The following PRKG1 variants were observed in gnomAD, a reference collection of about 807,000 sequenced individuals.
PRKG1 encodes cGMP-dependent protein kinase 1.
PRKG1 carries 35 observed loss-of-function variants against 88.1 expected under a neutral mutation model. The ratio of observed to expected loss-of-function variants is 0.40; its 90% CI spans 0.30 to 0.53. PRKG1 has a LOEUF of 0.53. Ranked by LOEUF, PRKG1 falls within the 20% of genes least tolerant of loss-of-function variation. PRKG1 has a pLI of 0.59. For missense variants in PRKG1, 540 were observed against 839.8 expected (o/e 0.64, Z 4.41); for synonymous variants, 303 against 292.5 (o/e 1.04, Z -0.37).
At chr10:51,558,970 A>G (rs1028809047) in intron 3 of PRKG1, among the ~76,000 whole-genome samples, 3 of 152,130 alleles carry the variant, frequency 2.0e-5, no homozygotes, top group African/African-American at 7.2e-5. Context: ...TCAACAGTGC[A>G]GTAAGATATT....
intron 2 of PRKG1, among the ~76,000 whole-genome samples, chr10:51,436,175 G>GTTT (rs60182756): frequency 7.5e-6 from 1 of 132,890 alleles, no homozygotes; most frequent in Admixed American, 7.5e-5. Context: ...TCTGTAAGTT[G>GTTT]TTTTTTTTTT....
chr10:51,281,011 T>G (rs1043264339), intron 2 of PRKG1, among the ~76,000 whole-genome samples: 4 of 152,220 alleles, frequency 2.6e-5, no homozygotes, highest in African/African-American at 9.6e-5. Flanking sequence ...CTTTTGCTCT[T>G]TGATGATTGT....
At chr10:51,274,166 G>A (rs1490735338) in intron 2 of PRKG1, among the ~76,000 whole-genome samples, 1 of 152,096 alleles carries the variant, frequency 6.6e-6, no homozygotes, top group Admixed American at 6.6e-5. Context: ...TTATATTGAA[G>A]TGAGAGTATT....
At position 52,131,844 on chromosome 10, in the gene PRKG1, A is replaced by AAAAAAC. The variant is rs764532999; in HGVS notation, c.936-1994_936-1993insAAACAA. ...AAAAAAAAAAAAAAAAAAAAAAAAA[A>AAAAAAC]AAGAGGCCAGTTTGGCCAAAAGGCA... On this transcript the variant is annotated intron_variant, in intron 7 of 17. Transcript: ENST00000373980. 8.4e-4 allele frequency among the ~76,000 whole-genome samples: 99 copies of AAAAAAC among 117,238 alleles called. 8 individuals carry two copies. The highest frequency in any genetic ancestry group is 1.5e-3 in the Non-Finnish European group (77 of 50,670). The allele number at this position is 117,238 out of a possible 152,430, so 76.9% of individuals were successfully genotyped here. A position where few individuals can be genotyped will look rare whatever the true frequency, so the allele number is the denominator to read the frequency against.
intron 2 of PRKG1, among the ~76,000 whole-genome samples, chr10:51,211,946 C>T (rs980688661): frequency 3.3e-5 from 5 of 152,160 alleles, no homozygotes; most frequent in African/African-American, 9.7e-5. Context: ...TGACTTTCTT[C>T]ACAGAATTTA....
At chr10:51,725,704 G>C (rs1318674541) in intron 3 of PRKG1, among the ~76,000 whole-genome samples, 1 of 151,730 alleles carries the variant, frequency 6.6e-6, no homozygotes, top group Non-Finnish European at 1.5e-5. Flanking sequence ...CATGCTCTCG[G>C]CTCACTACAA....
intron 9 of PRKG1, among the ~76,000 whole-genome samples, chr10:52,197,974 G>C (rs1839551524): frequency 6.6e-6 from 1 of 152,158 alleles, no homozygotes; most frequent in South Asian, 2.1e-4. Flanking sequence ...GAATGTCTCA[G>C]AGCTCCCTTT....
At chr10:52,101,232 C>T (rs892458748) in intron 7 of PRKG1, among the ~76,000 whole-genome samples, 3 of 152,124 alleles carry the variant, frequency 2.0e-5, no homozygotes, top group Non-Finnish European at 4.4e-5. Flanking sequence ...ATACAGCTTT[C>T]AAAGGCCACT....
At chr10:51,222,293 G>T (rs1333209906) in intron 2 of PRKG1, among the ~76,000 whole-genome samples, 1 of 151,926 alleles carries the variant, frequency 6.6e-6, no homozygotes, top group Non-Finnish European at 1.5e-5. Context: ...TCAAAATAAG[G>T]GTTTTGTTGA....
chr10:52,291,202 G>C (rs571817956), intron 17 of PRKG1, among the ~76,000 whole-genome samples: 2 of 151,838 alleles, frequency 1.3e-5, no homozygotes, highest in African/African-American at 4.8e-5. Context: ...GATTACAGAC[G>C]TGAGCACCGC....
chr10:51,957,945 G>A (rs765777340), intron 5 of PRKG1, among the ~76,000 whole-genome samples: 19 of 152,058 alleles, frequency 1.2e-4, no homozygotes, highest in Admixed American at 2.0e-4. Context: ...TTAGATGCTC[G>A]GTTGAATGAT....
intron 3 of PRKG1, among the ~76,000 whole-genome samples, chr10:51,690,468 T>G (rs751183464): frequency 3.3e-5 from 5 of 152,214 alleles, no homozygotes; most frequent in Non-Finnish European, 7.3e-5. Context: ...TAAATTACTG[T>G]GCCTGTTATA....
At chr10:51,390,915 A>T (rs531862363) in intron 2 of PRKG1, among the ~76,000 whole-genome samples, 2 of 152,352 alleles carry the variant, frequency 1.3e-5, no homozygotes, top group South Asian at 2.1e-4. Flanking sequence ...ACAAAAAATT[A>T]TCCAGTCCAA....
At chr10:51,751,438 G>C (rs1194768591) in intron 3 of PRKG1, among the ~76,000 whole-genome samples, 1 of 152,074 alleles carries the variant, frequency 6.6e-6, no homozygotes, top group African/African-American at 2.4e-5. Context: ...ATGTTGGCCA[G>C]GCAGGTCTTG....
At chr10:51,225,203 G>C (rs982388381) in intron 2 of PRKG1, among the ~76,000 whole-genome samples, 1 of 152,166 alleles carries the variant, frequency 6.6e-6, no homozygotes, top group African/African-American at 2.4e-5. Flanking sequence ...TTTCACATAC[G>C]TGTTGCCTCC....
At chr10:51,766,577 A>G (rs1446556587) in intron 3 of PRKG1, among the ~76,000 whole-genome samples, 1 of 152,156 alleles carries the variant, frequency 6.6e-6, no homozygotes, top group Non-Finnish European at 1.5e-5. Context: ...CTGAGGACCC[A>G]CACTAACCAC....
At position 52,133,820 on chromosome 10, in the gene PRKG1, T is replaced by C. The variant is rs745724933; in HGVS notation, c.936-20T>C. 11 of 1,604,254 alleles carry C rather than the reference T, an allele frequency of 6.9e-6. No homozygotes were observed. The East Asian group carries it at 8.9e-5, about 13-fold the overall frequency. On this transcript the variant is annotated intron_variant, in intron 7 of 17. Coordinates refer to ENST00000373980, the MANE Select transcript of PRKG1 (RefSeq NM_006258.4). ...GATATTAAAGGTTATTTTATTTGAA[T>C]GTCTCTATTTTTCACATAGGGAAGA...
At chr10:51,697,576 T>C in intron 3 of PRKG1, 1 of 940,022 alleles carries the variant, frequency 1.1e-6, no homozygotes, top group Non-Finnish European at 1.6e-6. Flanking sequence ...AAAAATAAGA[T>C]TAGGTTCTAG....
At chr10:52,159,362 T>A (rs949896884) in intron 8 of PRKG1, among the ~76,000 whole-genome samples, 1 of 151,568 alleles carries the variant, frequency 6.6e-6, no homozygotes, top group South Asian at 2.1e-4. Flanking sequence ...TAAGAAGACC[T>A]GAAGAAAGTT....
Sources: allele counts gnomAD v4.1 joint callset (sites outside exome capture counted in the v4.1 genomes callset), GRCh38; gene constraint gnomAD v4.1.1; transcripts MANE v1.5; gene names NCBI Gene and HGNC (gene_info 2026-07-23, HGNC 2026-07-21).